Variants in EBF3 observed in about 807,000 individuals in gnomAD.
EBF3 encodes transcription factor COE3.
Under a neutral mutation model 77.1 loss-of-function variants are expected in EBF3, and 18 were observed. The observed-to-expected ratio is 0.23, with a 90% confidence interval of 0.16 to 0.35. EBF3 has a LOEUF of 0.35. Among genes scored for constraint, EBF3 ranks in the 10% least tolerant of loss-of-function variants. The pLI is 1.00. For missense variants in EBF3, 558 were observed against 860.0 expected (o/e 0.65, Z 4.39); for synonymous variants, 350 against 343.5 (o/e 1.02, Z -0.21).
At chr10:129,860,344 G>C (rs950388333) in intron 10 of EBF3, among the ~76,000 whole-genome samples, 3 of 151,912 alleles carry the variant, frequency 2.0e-5, no homozygotes, top group African/African-American at 7.3e-5. Flanking sequence ...GAAGAGGGCC[G>C]GGCCCGCCTC....
rs986752843 is a variant in EBF3, at chr10:129,932,415, G to A, written c.554+24843C>T. 2.0e-5 allele frequency among the ~76,000 whole-genome samples: 3 copies of A among 152,182 alleles called. No homozygotes were observed. The South Asian group carries it at 6.2e-4, about 32-fold the overall frequency. ...TGCCCCTGTACATGGCAGAGCGGCC[G>A]CCGATCTGAGAGTGCCACTCTGTGA... is the stretch of plus-strand genomic sequence containing the variant. On this transcript the variant is annotated intron_variant, in intron 6 of 16. Coordinates refer to ENST00000440978, the MANE Select transcript of EBF3 (RefSeq NM_001375380.1).
At chr10:129,933,583 G>A in intron 6 of EBF3, among the ~76,000 whole-genome samples, 1 of 151,948 alleles carries the variant, frequency 6.6e-6, no homozygotes, top group East Asian at 1.9e-4. Context: ...TGAGCTGGAA[G>A]GGAATCCCGC....
At chr10:129,843,116 G>C (rs1850208237) in intron 12 of EBF3, 21 bp downstream of exon 12, 1 of 1,609,882 alleles carries the variant, frequency 6.2e-7, no homozygotes, top group Non-Finnish European at 8.5e-7. Context: ...GGATGGGCGA[G>C]GGGAGCCGCC....
chr10:129,843,304 C>CA, intron 11 of EBF3, 102 bp from the exon 12 acceptor site: 1 of 1,223,970 alleles, frequency 8.2e-7, no homozygotes, highest in Non-Finnish European at 1.2e-6. Context: ...CCAGTCCCCA[C>CA]CCACAGCGAC....
intron 6 of EBF3, among the ~76,000 whole-genome samples, chr10:129,884,784 G>A (rs1365933439): frequency 6.6e-6 from 1 of 152,176 alleles, no homozygotes; most frequent in African/African-American, 2.4e-5. Context: ...ATGAGGATTT[G>A]AAAATATCCA....
At chr10:129,887,546 A>T (rs1853695708) in intron 6 of EBF3, among the ~76,000 whole-genome samples, 1 of 152,214 alleles carries the variant, frequency 6.6e-6, no homozygotes, top group South Asian at 2.1e-4. Context: ...GAGGCAGCCC[A>T]GAATGACGTT....
intron 11 of EBF3, among the ~76,000 whole-genome samples, chr10:129,846,587 CT>C (rs1850482806): frequency 6.6e-6 from 1 of 151,802 alleles, no homozygotes; most frequent in Non-Finnish European, 1.5e-5. Context: ...AGGCCAATTG[CT>C]GTTTTACTTA....
intron 6 of EBF3, among the ~76,000 whole-genome samples, chr10:129,901,422 G>C (rs1460075545): frequency 6.6e-6 from 1 of 152,170 alleles, no homozygotes; most frequent in Non-Finnish European, 1.5e-5. Flanking sequence ...AGCTTCCAGA[G>C]CTGGTCCAGG....
At chr10:129,847,454 C>T (rs1038526045) in intron 11 of EBF3, among the ~76,000 whole-genome samples, 1 of 152,218 alleles carries the variant, frequency 6.6e-6, no homozygotes, top group South Asian at 2.1e-4. Context: ...CCCTGATGAT[C>T]CTAACAGTGA....
At chr10:129,908,007 A>G (rs1260481748) in intron 6 of EBF3, among the ~76,000 whole-genome samples, 1 of 152,220 alleles carries the variant, frequency 6.6e-6, no homozygotes, top group Non-Finnish European at 1.5e-5. Flanking sequence ...ATGGATCCAT[A>G]AGACACAGCT....
At chr10:129,936,162 C>T (rs1857344578) in intron 6 of EBF3, among the ~76,000 whole-genome samples, 1 of 152,188 alleles carries the variant, frequency 6.6e-6, no homozygotes, top group Non-Finnish European at 1.5e-5. Context: ...ACTCTCACAC[C>T]CACCTGACAG....
At chr10:129,872,465 C>T (rs1025860696) in intron 8 of EBF3, among the ~76,000 whole-genome samples, 1 of 152,172 alleles carries the variant, frequency 6.6e-6, no homozygotes, top group Non-Finnish European at 1.5e-5. Context: ...TTATATTTCA[C>T]GCTGATAATC....
Position 129,879,728 on chromosome 10 carries a change from C to T in EBF3, c.555-1879G>A, listed in dbSNP as rs899190603. Among the ~76,000 whole-genome samples the T allele has an allele frequency of 6.6e-6, 1 of 152,196 alleles. No individual in the cohort carries two copies. Among genetic ancestry groups the T allele is most frequent in the African/African-American group, 2.4e-5 (1 of 41,448 alleles). ...TCCACCCACCAATTTTTCCTAACAA[C>T]CACTGTGCAATTAAACTCCACACGT... On this transcript the variant is annotated intron_variant, in intron 6 of 16. Transcript: ENST00000440978. The surrounding 1 kb of genome is among the most constrained non-coding windows in gnomAD (Gnocchi z 4.7).
rs1406236632 is a variant in EBF3 at position 129,879,237 on chromosome 10, C to G, written c.555-1388G>C. 6.6e-6 allele frequency among the ~76,000 whole-genome samples: 1 copy of G among 152,134 alleles called. No homozygotes were observed. The highest frequency in any genetic ancestry group is 6.5e-5 in the Admixed American group (1 of 15,276). On this transcript the variant is annotated intron_variant, in intron 6 of 16. Coordinates refer to ENST00000440978, the MANE Select transcript of EBF3 (RefSeq NM_001375380.1). This position sits in a 1 kb window ranked among gnomAD's most constrained non-coding sequence, Gnocchi z 4.7. ...CTGCCTCAACTTGAAAAGGCCACAA[C>G]CAAGAGGTCCCAGAGCTTGGGTCTG...
rs1851892749 is a variant in EBF3, at chr10:129,864,971, G to T, written c.1039+2170C>A. 2.0e-5 allele frequency among the ~76,000 whole-genome samples: 3 copies of T among 152,198 alleles called. No individual in the cohort carries two copies. Among genetic ancestry groups the T allele is most frequent in the South Asian group, 4.1e-4 (2 of 4,828 alleles). On this transcript the variant is annotated intron_variant, in intron 10 of 16. Coordinates refer to ENST00000440978, the MANE Select transcript of EBF3 (RefSeq NM_001375380.1). This position sits in a 1 kb window ranked among gnomAD's most constrained non-coding sequence, Gnocchi z 4.4. ...CATCCCCGATCCTTGCCAAAACCTT[G>T]CCAGATAGAGCAGAGGAGAAATTGG...
intron 5 of EBF3, 100 bp downstream of exon 5, chr10:129,958,834 G>A: frequency 7.1e-7 from 1 of 1,414,768 alleles, no homozygotes; most frequent in Non-Finnish European, 9.3e-7. Flanking sequence ...TGCCCTTCCC[G>A]GAGCTGGGCG....
chr10:129,843,398 C>T, intron 11 of EBF3, 196 bp from the exon 12 acceptor site: 1 of 537,174 alleles, frequency 1.9e-6, no homozygotes, highest in Non-Finnish European at 3.3e-6. Context: ...GTGGCCTTTA[C>T]AAGGAGGCTG....
At chr10:129,867,984 G>GA in intron 8 of EBF3, 72 bp from the exon 9 acceptor site, 2 of 1,570,084 alleles carry the variant, frequency 1.3e-6, no homozygotes, top group Non-Finnish European at 1.7e-6. Flanking sequence ...CTCGGCCACC[G>GA]CGCGTCCCGC....
chr10:129,854,388 G>A (rs1414857108), intron 10 of EBF3, among the ~76,000 whole-genome samples: 1 of 152,148 alleles, frequency 6.6e-6, no homozygotes, highest in Non-Finnish European at 1.5e-5. Context: ...TCCTCACATG[G>A]ATGAAAAGCG....
Sources: gnomAD v4.1 joint callset for allele counts (sites outside exome capture counted in the v4.1 genomes callset) on GRCh38, gnomAD v4.1.1 for gene constraint, Gnocchi (gnomAD v3.1) non-coding constraint, MANE v1.5 for transcripts, NCBI Gene and HGNC (gene_info 2026-07-23, HGNC 2026-07-21) for gene names.